The following NCBP1 variants were observed in gnomAD, a reference collection of about 807,000 sequenced individuals.
NCBP1 encodes the protein nuclear cap-binding protein subunit 1.
Under a neutral mutation model 111.7 loss-of-function variants are expected in NCBP1, and 16 were observed. The observed-to-expected ratio is 0.14, with a 90% CI of 0.10 to 0.22. NCBP1 has a LOEUF of 0.22. Ranked by LOEUF, NCBP1 falls within the 10% of genes least tolerant of loss-of-function variation. The pLI, the probability that NCBP1 is intolerant of heterozygous loss-of-function variation, is 1.00. For missense variants in NCBP1, 607 were observed against 957.5 expected (o/e 0.63, Z 4.83); for synonymous variants, 304 against 314.3 (o/e 0.97, Z 0.35).
chr9:97,644,977 C>T, intron 4 of NCBP1, 140 bp from the exon 5 acceptor site: 1 of 513,648 alleles, frequency 1.9e-6, no homozygotes, highest in Non-Finnish European at 3.5e-6. Context: ...CCCAGCTATG[C>T]AAAAAACAGG....
rs1476467957 is a variant in NCBP1, at chr9:97,672,803, G to A, written c.*1604G>A. On this transcript the variant is annotated 3_prime_UTR_variant, in exon 23 of 23. Coordinates refer to ENST00000375147, the MANE Select transcript of NCBP1 (RefSeq NM_002486.5). ...AATAGTAAATATATTTTTTTCTTAT[G>A]ATTTTATTTTCTTTTCTCTAGCTTC... 6.4e-6 allele frequency: 1 copy of A among 157,152 alleles called. No individual in the cohort carries two copies. The highest frequency in any genetic ancestry group is 1.4e-5 in the Non-Finnish European group (1 of 71,844). 9.7% of individuals were successfully genotyped at this position (157,152 alleles called of 1,614,324 possible).
At chr9:97,648,734 C>T (rs953889326) in intron 8 of NCBP1, among the ~76,000 whole-genome samples, 15 of 151,862 alleles carry the variant, frequency 9.9e-5, no homozygotes, top group African/African-American at 3.6e-4. Context: ...TTTTTCTTTT[C>T]GAAATGGGGT....
At chr9:97,651,899 T>G (rs1470169941) in intron 10 of NCBP1, among the ~76,000 whole-genome samples, 2 of 152,236 alleles carry the variant, frequency 1.3e-5, no homozygotes, top group Admixed American at 1.3e-4. Context: ...ACTTTTGACT[T>G]CATATTAACT....
At chr9:97,654,423 A>G (rs947012216) in intron 11 of NCBP1, among the ~76,000 whole-genome samples, 17 of 152,174 alleles carry the variant, frequency 1.1e-4, no homozygotes, top group African/African-American at 4.1e-4. Flanking sequence ...TTATTATGGG[A>G]TTGCAGCAAT....
At chr9:97,647,908 GCTTA>G (rs796129005) in intron 7 of NCBP1, 96 bp from the exon 8 acceptor site, 5 of 1,032,590 alleles carry the variant, frequency 4.8e-6, no homozygotes, top group South Asian at 3.3e-5. Context: ...TTACAAGTTA[GCTTA>G]CTTTTGTATC....
At chr9:97,669,883 T>G in intron 22 of NCBP1, 177 bp downstream of exon 22, 1 of 674,120 alleles carries the variant, frequency 1.5e-6, no homozygotes, top group Non-Finnish European at 2.7e-6. Context: ...ACTGATTCTG[T>G]ACCACTTAGA....
At chr9:97,653,432 G>C in intron 10 of NCBP1, among the ~76,000 whole-genome samples, 1 of 152,176 alleles carries the variant, frequency 6.6e-6, no homozygotes, top group East Asian at 1.9e-4. Flanking sequence ...AAGAGTTCTT[G>C]TTATTTATAG....
intron 14 of NCBP1, among the ~76,000 whole-genome samples, chr9:97,657,140 G>C (rs1484290154): frequency 6.6e-6 from 1 of 152,034 alleles, no homozygotes; most frequent in East Asian, 1.9e-4. Context: ...CTAATTTTTT[G>C]TAGTTTTAGT....
At chr9:97,644,984 C>CA (rs1827294681) in intron 4 of NCBP1, 133 bp from the exon 5 acceptor site, 1 of 519,678 alleles carries the variant, frequency 1.9e-6, no homozygotes, top group African/African-American at 2.0e-5. Context: ...ATGCAAAAAA[C>CA]AGGTAGTAGG....
At chr9:97,639,849 G>A (rs1827155386) in intron 1 of NCBP1, among the ~76,000 whole-genome samples, 1 of 152,142 alleles carries the variant, frequency 6.6e-6, no homozygotes, top group South Asian at 2.1e-4. Context: ...GGTGTTTGAG[G>A]TTAATTTTTA....
chr9:97,669,672 A>G lies in NCBP1; in HGVS notation c.2225A>G (p.Asn742Ser), dbSNP rs770525476. 38 of 1,610,168 alleles carry G rather than the reference A, an allele frequency of 2.4e-5. No homozygotes were observed. The highest frequency in any genetic ancestry group is 1.3e-4 in the Admixed American group (8 of 59,980). ...AGTGTATTAACACCATGGTATAAGA[A>G]CTGTATAGAGAGGCTGCAGCAGATC... ...GTSVLTPWYK[N>S]CIERLQQIFL... is the part of the protein sequence containing the mutation. Residue 742 changes from asparagine to serine, a missense_variant, in exon 22 of 23, where the codon AAC (asparagine) becomes AGC (serine). Coordinates refer to ENST00000375147, the MANE Select transcript of NCBP1 (RefSeq NM_002486.5).
chr9:97,646,822 A>G (rs1035205033), intron 6 of NCBP1, among the ~76,000 whole-genome samples: 1 of 144,190 alleles, frequency 6.9e-6, no homozygotes, highest in Non-Finnish European at 1.5e-5. Context: ...CCTGGGCAAC[A>G]GAGTGAGACT....
intron 11 of NCBP1, 78 bp downstream of exon 11, chr9:97,653,986 T>G (rs1180313013): frequency 7.8e-7 from 1 of 1,288,002 alleles, no homozygotes; most frequent in East Asian, 2.4e-5. Flanking sequence ...GCTTGTGGGT[T>G]TAAATTTTGT....
intron 16 of NCBP1, 79 bp downstream of exon 16, chr9:97,661,147 T>C (rs1827823261): frequency 1.9e-6 from 3 of 1,564,574 alleles, no homozygotes; most frequent in Non-Finnish European, 2.6e-6. Flanking sequence ...GGCAACATGA[T>C]GCTCTTAAAG....
chr9:97,649,875 A>G (rs772618872), intron 8 of NCBP1, among the ~76,000 whole-genome samples: 2 of 152,042 alleles, frequency 1.3e-5, no homozygotes, highest in Non-Finnish European at 2.9e-5. Flanking sequence ...TAAAATACAT[A>G]TTACTCCCAA....
intron 22 of NCBP1, among the ~76,000 whole-genome samples, chr9:97,670,839 TC>T (rs1489693533): frequency 1.3e-5 from 2 of 152,224 alleles, no homozygotes; most frequent in Non-Finnish European, 2.9e-5. Context: ...AATCATGAAT[TC>T]TGTTTACATA....
rs960465959 is a variant in NCBP1 at position 97,643,347 on chromosome 9, A to C, written c.368A>C (p.Glu123Ala). The C allele has an allele frequency of 1.2e-5, 19 of 1,599,548 alleles. No individual in the cohort carries two copies. Among genetic ancestry groups the C allele is most frequent in the Non-Finnish European group, 1.5e-5 (18 of 1,175,476 alleles). ...TCATTGAAAGCAAACAATTATAATG[A>C]AGCCGTGTATTTGGTAAGTTAGTTT... ...KESLKANNYN[E>A]AVYLVRFLSD... The change falls in exon 4 of 23, where the codon GAA becomes GCA. Residue 123 changes from glutamate to alanine, a missense_variant. Glu to Ala is a moderately radical substitution (Grantham distance 107). Around this residue, in one of 9 missense-constraint regions of NCBP1, gnomAD observed 185 missense variants for 272.0 expected, o/e 0.68. Transcript: ENST00000375147.
intron 4 of NCBP1, among the ~76,000 whole-genome samples, chr9:97,644,321 A>T (rs1006959605): frequency 1.3e-5 from 2 of 152,124 alleles, no homozygotes; most frequent in African/African-American, 4.8e-5. Flanking sequence ...CAATATCAAA[A>T]TAACTTGCAG....
At chr9:97,636,327 A>G (rs948907233) in intron 1 of NCBP1, among the ~76,000 whole-genome samples, 1 of 151,730 alleles carries the variant, frequency 6.6e-6, no homozygotes, top group African/African-American at 2.4e-5. Context: ...TAGGGTAGGA[A>G]TTATTACAGT....
Sources: gnomAD v4.1 joint callset for allele counts (sites outside exome capture counted in the v4.1 genomes callset) on GRCh38, gnomAD v4.1.1 for gene constraint, gnomAD v4.1.1 regional missense constraint, MANE v1.5 for transcripts, NCBI Gene and HGNC (gene_info 2026-07-23, HGNC 2026-07-21) for gene names.